The following OR9Q1 variants were observed in gnomAD, a reference collection of about 807,000 sequenced individuals.
OR9Q1 encodes the protein olfactory receptor family 9 subfamily Q member 1, also known as olfactory receptor 9Q1.
For missense variants in OR9Q1, 374 were observed against 378.8 expected (o/e 0.99, Z 0.11); for synonymous variants, 153 against 148.6 (o/e 1.03, Z -0.22).
chr11:58,085,830 A>G (rs1360698460), intron 2 of OR9Q1, among the ~76,000 whole-genome samples: 1 of 151,798 alleles, frequency 6.6e-6, no homozygotes, highest in Non-Finnish European at 1.5e-5. Context: ...GGTCAAACAC[A>G]TGTATCCCCC....
intron 2 of OR9Q1, among the ~76,000 whole-genome samples, chr11:58,132,352 C>A (rs1253886589): frequency 1.3e-5 from 2 of 152,176 alleles, no homozygotes; most frequent in Non-Finnish European, 2.9e-5. Context: ...CCCCTAGTTC[C>A]AGTCTCAGCT....
At chr11:58,156,903 G>A (rs1467053855) in intron 2 of OR9Q1, among the ~76,000 whole-genome samples, 1 of 152,196 alleles carries the variant, frequency 6.6e-6, no homozygotes, top group East Asian at 1.9e-4. Flanking sequence ...TAGCACATGA[G>A]AACTAGGGAA....
chr11:58,094,117 A>C (rs11229255), intron 2 of OR9Q1, among the ~76,000 whole-genome samples: 20,974 of 152,258 alleles, frequency 0.14, 1,608 homozygotes, highest in South Asian at 0.2. Flanking sequence ...AGCCATAAAA[A>C]GGATGAAGTC....
chr11:58,143,717 G>C (rs1037106641), intron 2 of OR9Q1, among the ~76,000 whole-genome samples: 1 of 152,058 alleles, frequency 6.6e-6, no homozygotes. Flanking sequence ...GCTGTAGGCG[G>C]GGGGGTGGCA....
chr11:58,109,133 A>T (rs751054685), intron 2 of OR9Q1: 1 of 505,318 alleles, frequency 2.0e-6, no homozygotes, highest in Non-Finnish European at 4.0e-6. Context: ...TCACAGAAGA[A>T]GAAGTTGATC....
At chr11:58,026,206 C>CTTGATGAA (rs2119898067) in intron 1 of OR9Q1, among the ~76,000 whole-genome samples, 1 of 152,302 alleles carries the variant, frequency 6.6e-6, no homozygotes, top group Non-Finnish European at 1.5e-5. Flanking sequence ...TCAGGGTCTC[C>CTTGATGAA]TTGATGAATG....
At chr11:58,067,822 A>G (rs886744231) in intron 2 of OR9Q1, among the ~76,000 whole-genome samples, 1 of 152,228 alleles carries the variant, frequency 6.6e-6, no homozygotes, top group Non-Finnish European at 1.5e-5. Flanking sequence ...ATCCTGCCCC[A>G]GACCTGCACT....
intron 2 of OR9Q1, among the ~76,000 whole-genome samples, chr11:58,064,895 A>C (rs1167123082): frequency 6.6e-6 from 1 of 151,834 alleles, no homozygotes; most frequent in African/African-American, 2.4e-5. Context: ...GTAGGGGAGA[A>C]TTCTAGAGAT....
rs1382912194 is a variant in OR9Q1, at chr11:58,120,780, T to C, written c.-14-58651T>C. On this transcript the variant is annotated intron_variant, in intron 2 of 2. Coordinates refer to ENST00000335397, the MANE Select transcript of OR9Q1 (RefSeq NM_001005212.4). ...TTAATATTGCTATCTTTGTGTAATATATTTGTATCTTTATTTCAATACCAT... is the reference window on the plus strand; with the variant it reads ...TTAATATTGCTATCTTTGTGTAATACATTTGTATCTTTATTTCAATACCAT... 4.8e-5 allele frequency among the ~76,000 whole-genome samples: 7 copies of C among 146,918 alleles called. No individual in the cohort carries two copies. The Admixed American group carries it at 4.9e-4, about 10-fold the overall frequency.
chr11:58,085,117 G>A lies in OR9Q1; in HGVS notation c.-15+29170G>A, dbSNP rs570003995. On this transcript the variant is annotated intron_variant, in intron 2 of 2. Transcript: ENST00000335397. ...GCAAATCACCTTGTATTGATTCTCTGATTATTAAGCATAATTATAATTTAA... is the reference window on the plus strand; with the variant it reads ...GCAAATCACCTTGTATTGATTCTCTAATTATTAAGCATAATTATAATTTAA... 2.4e-3 allele frequency among the ~76,000 whole-genome samples: 371 copies of A among 151,966 alleles called. 8 individuals carry two copies. Among genetic ancestry groups the A allele is most frequent in the African/African-American group, 8.6e-3 (357 of 41,284 alleles).
chr11:58,070,538 G>T (rs80105580), intron 2 of OR9Q1, among the ~76,000 whole-genome samples: 4 of 152,110 alleles, frequency 2.6e-5, no homozygotes, highest in Admixed American at 2.6e-4. Flanking sequence ...GTCTCATGTG[G>T]TTGGTTTCCC....
chr11:58,163,531 A>G (rs2119928939), intron 2 of OR9Q1, among the ~76,000 whole-genome samples: 1 of 152,340 alleles, frequency 6.6e-6, no homozygotes, highest in South Asian at 2.1e-4. Context: ...AGCTGCAGAG[A>G]GCTGGTAAAG....
At chr11:58,125,518 A>T (rs949430362) in intron 2 of OR9Q1, 2 of 152,178 alleles carry the variant, frequency 1.3e-5, no homozygotes, top group African/African-American at 2.4e-5. Flanking sequence ...AGCAGCTAAG[A>T]TTGCTCAAAT....
intron 2 of OR9Q1, among the ~76,000 whole-genome samples, chr11:58,082,771 A>AATAAT (rs999420980): frequency 7.2e-5 from 6 of 83,664 alleles, no homozygotes; most frequent in Non-Finnish European, 1.6e-4. Flanking sequence ...TAATAATAAT[A>AATAAT]AAAAGTTAGG....
At chr11:58,175,870 A>G (rs1854602127) in intron 2 of OR9Q1, among the ~76,000 whole-genome samples, 1 of 151,952 alleles carries the variant, frequency 6.6e-6, no homozygotes. Flanking sequence ...ATGCCTATGA[A>G]TTTGTGGCTA....
At chr11:58,115,480 G>A (rs963848761) in intron 2 of OR9Q1, among the ~76,000 whole-genome samples, 2 of 152,184 alleles carry the variant, frequency 1.3e-5, no homozygotes, top group Non-Finnish European at 2.9e-5. Context: ...AAAGCATGAT[G>A]TTGTACACCA....
At chr11:58,170,316 C>G (rs1161462694) in intron 2 of OR9Q1, among the ~76,000 whole-genome samples, 1 of 147,302 alleles carries the variant, frequency 6.8e-6, no homozygotes, top group African/African-American at 2.4e-5. Context: ...TCCTCTCCAG[C>G]CTACACATAA....
intron 2 of OR9Q1, among the ~76,000 whole-genome samples, chr11:58,067,657 G>T (rs1290994529): frequency 4.6e-5 from 7 of 152,200 alleles, no homozygotes; most frequent in Admixed American, 4.6e-4. Flanking sequence ...AGTGTACAAA[G>T]CCTCCTCCAA....
intron 2 of OR9Q1, among the ~76,000 whole-genome samples, chr11:58,178,715 G>C (rs1417986955): frequency 6.6e-6 from 1 of 151,762 alleles, no homozygotes; most frequent in Non-Finnish European, 1.5e-5. Context: ...CAGCTACTTA[G>C]CAATAGAGGT....
Sources: gnomAD v4.1 joint callset for allele counts (sites outside exome capture counted in the v4.1 genomes callset) on GRCh38, gnomAD v4.1.1 for gene constraint, MANE v1.5 for transcripts, NCBI Gene and HGNC (gene_info 2026-07-23, HGNC 2026-07-21) for gene names.